The following SHISA9 variants were observed in gnomAD, a reference collection of about 807,000 sequenced individuals.
SHISA9 encodes protein shisa-9.
SHISA9 carries 13 observed loss-of-function variants against 38.0 expected under a neutral mutation model. The ratio of observed to expected loss-of-function variants is 0.34; its 90% CI spans 0.22 to 0.54. The LOEUF (loss-of-function observed/expected upper bound fraction) is 0.54. Among genes scored for constraint, SHISA9 ranks in the 20% least tolerant of loss-of-function variants. The pLI, the probability that SHISA9 is intolerant of heterozygous loss-of-function variation, is 0.91. For missense variants in SHISA9, 538 were observed against 575.8 expected (o/e 0.93, Z 0.67); for synonymous variants, 275 against 242.0 (o/e 1.14, Z -1.27).
chr16:13,473,916 T>A, the SHISA9 span, among the ~76,000 whole-genome samples: 1 of 152,196 alleles, frequency 6.6e-6, no homozygotes, highest in African/African-American at 2.4e-5. Context: ...CAGAAGCACA[T>A]ATATGATACA....
chr16:13,310,858 A>G, the SHISA9 span, among the ~76,000 whole-genome samples: 3 of 151,688 alleles, frequency 2.0e-5, no homozygotes, highest in African/African-American at 7.3e-5. Context: ...TAATTTTTGT[A>G]TTTTTAGTAG....
intron 2 of SHISA9, among the ~76,000 whole-genome samples, chr16:12,917,356 G>A (rs1019426214): frequency 6.6e-5 from 10 of 152,108 alleles, no homozygotes; most frequent in Admixed American, 1.3e-4. Context: ...GTGTGTAGGG[G>A]GTGCAGGGAG....
chr16:12,928,618 C>A (rs2071424225), intron 2 of SHISA9, among the ~76,000 whole-genome samples: 1 of 152,184 alleles, frequency 6.6e-6, no homozygotes, highest in Non-Finnish European at 1.5e-5. Context: ...AGTTTTGATG[C>A]CTCACCTACT....
chr16:13,231,422 A>C (rs1247313237), intron 4 of SHISA9, among the ~76,000 whole-genome samples: 1 of 152,224 alleles, frequency 6.6e-6, no homozygotes, highest in East Asian at 1.9e-4. Flanking sequence ...GCTTTCCTCC[A>C]AAAGGCAGGA....
intron 2 of SHISA9, among the ~76,000 whole-genome samples, chr16:12,955,377 G>T (rs1388433971): frequency 1.3e-5 from 2 of 152,158 alleles, no homozygotes; most frequent in African/African-American, 2.4e-5. Context: ...AGCACATTCA[G>T]TCTCTGGGCA....
chr16:13,127,061 GGAGA>G (rs2050265277), intron 2 of SHISA9, among the ~76,000 whole-genome samples: 1 of 137,946 alleles, frequency 7.2e-6, no homozygotes, highest in Non-Finnish European at 1.6e-5. Flanking sequence ...ACTGAGGGAA[GGAGA>G]GAGAGAGGGA....
At chr16:13,059,792 T>C (rs2073353007) in intron 2 of SHISA9, among the ~76,000 whole-genome samples, 1 of 152,108 alleles carries the variant, frequency 6.6e-6, no homozygotes, top group African/African-American at 2.4e-5. Flanking sequence ...GTATGACTGA[T>C]GTTCTTACAA....
chr16:13,449,676 T>A, the SHISA9 span, among the ~76,000 whole-genome samples: 1 of 152,188 alleles, frequency 6.6e-6, no homozygotes, highest in Non-Finnish European at 1.5e-5. Flanking sequence ...CCACTTGCCT[T>A]TCTTCCATGA....
the SHISA9 span, among the ~76,000 whole-genome samples, chr16:13,484,354 G>A: frequency 6.6e-5 from 10 of 152,090 alleles, no homozygotes; most frequent in East Asian, 1.7e-3. Flanking sequence ...TCCGAGCCTC[G>A]GTTCCCACAT....
In SHISA9 at chr16:13,115,899, C is replaced by T. The variant is rs186632480; in HGVS notation, c.692-87495C>T. 9.2e-5 allele frequency among the ~76,000 whole-genome samples: 14 copies of T among 152,288 alleles called. No homozygotes were observed. In the East Asian group the frequency reaches 2.5e-3, roughly 27 times the overall value. On this transcript the variant is annotated intron_variant, in intron 2 of 4. Coordinates refer to ENST00000558583, the MANE Select transcript of SHISA9 (RefSeq NM_001145204.3). ...GGAGTTTCTTCCTCAGAAATACCTT[C>T]CCTTCTGATGACCTATAATCCTCCT...
chr16:13,520,376 G>A, the SHISA9 span, among the ~76,000 whole-genome samples: 9 of 151,938 alleles, frequency 5.9e-5, no homozygotes, highest in African/African-American at 2.2e-4. Flanking sequence ...AAGGCGGGCA[G>A]ATCACGAGGT....
intron 2 of SHISA9, among the ~76,000 whole-genome samples, chr16:13,033,857 T>G (rs1973484): frequency 0.78 from 118,284 of 152,166 alleles, 46,440 homozygotes; most frequent in African/African-American, 0.89. Context: ...TTAAGATACC[T>G]CCATGTGGCT....
chr16:13,071,661 T>A (rs924901183), intron 2 of SHISA9, among the ~76,000 whole-genome samples: 7 of 150,608 alleles, frequency 4.6e-5, no homozygotes, highest in African/African-American at 9.9e-5. Context: ...CTTTCCTTTT[T>A]GACAGAGTCT....
rs549445360 is a variant in SHISA9 at position 13,148,929 on chromosome 16, A to T, written c.692-54465A>T. ...ATATGGCCTTATTCCATGCTCAAGC[A>T]GCTTCTGGGATTATGTAACTCCAAC... On this transcript the variant is annotated intron_variant, in intron 2 of 4. Coordinates refer to ENST00000558583, the MANE Select transcript of SHISA9 (RefSeq NM_001145204.3). Among the ~76,000 whole-genome samples the T allele has an allele frequency of 2.6e-5, 4 of 152,262 alleles. No homozygotes were observed. The South Asian group carries it at 8.3e-4, about 32-fold the overall frequency.
rs558632231 is a variant in SHISA9, at chr16:12,908,752, CG to C, written c.563+6127del. ...TGAAGTCTAGGAATGCTTTCTATAT[CG>C]GCCCCGGCAGGCCCAGACGTCTTGG... On this transcript the variant is annotated intron_variant, in intron 1 of 4. Coordinates refer to ENST00000558583, the MANE Select transcript of SHISA9 (RefSeq NM_001145204.3). The C allele has an allele frequency of 9.3e-5, 131 of 1,410,030 alleles. No individual in the cohort carries two copies. The African/African-American group carries it at 1.8e-3, about 19-fold the overall frequency. The allele number at this position is 1,410,030 out of a possible 1,614,324, so 87.3% of individuals were successfully genotyped here. A position where few individuals can be genotyped will look rare whatever the true frequency, so the allele number is the denominator to read the frequency against.
At chr16:13,309,670 G>T in the SHISA9 span, among the ~76,000 whole-genome samples, 31 of 150,884 alleles carry the variant, frequency 2.1e-4, 1 homozygote, top group South Asian at 6.3e-3. Context: ...AAGAAAGTTG[G>T]AGAAAAAATA....
chr16:13,153,425 G>A (rs1374554272), intron 2 of SHISA9, among the ~76,000 whole-genome samples: 1 of 152,222 alleles, frequency 6.6e-6, no homozygotes, highest in Non-Finnish European at 1.5e-5. Context: ...CTAGCTCAGA[G>A]GAGGTGCTTG....
chr16:13,210,039 C>T (rs576643504), intron 3 of SHISA9, among the ~76,000 whole-genome samples: 3 of 152,032 alleles, frequency 2.0e-5, no homozygotes, highest in East Asian at 3.9e-4. Flanking sequence ...AGGCGGAGCT[C>T]GCAGTGAGCC....
chr16:13,388,007 G>A, the SHISA9 span, among the ~76,000 whole-genome samples: 2 of 152,116 alleles, frequency 1.3e-5, no homozygotes, highest in South Asian at 2.1e-4. Flanking sequence ...TGAGAGCCGT[G>A]AAGCCTCTTC....
Sources: gnomAD v4.1 joint callset for allele counts (sites outside exome capture counted in the v4.1 genomes callset) on GRCh38, gnomAD v4.1.1 for gene constraint, MANE v1.5 for transcripts, NCBI Gene and HGNC (gene_info 2026-07-23, HGNC 2026-07-21) for gene names.